The following EPN2 variants were observed in gnomAD, a reference collection of about 807,000 sequenced individuals.
EPN2 encodes the protein epsin 2.
Under a neutral mutation model 61.7 loss-of-function variants are expected in EPN2, and 34 were observed. That is an observed-to-expected ratio of 0.55 (90% confidence interval 0.42 to 0.73). The LOEUF is 0.73. Among genes scored for constraint, EPN2 ranks in the 30% least tolerant of loss-of-function variants. The pLI, the probability that EPN2 is intolerant of heterozygous loss-of-function variation, is 0.00. For missense variants in EPN2, 714 were observed against 839.2 expected (o/e 0.85, Z 1.84); for synonymous variants, 349 against 353.6 (o/e 0.99, Z 0.15).
Position 19,285,291 on chromosome 17 carries a change from AGATGCAGGGGTTGGAACAGTGGG to A in EPN2, c.596-320_596-298del, listed in dbSNP as rs1283768952. Among the ~76,000 whole-genome samples, 2 of 152,262 alleles carry A rather than the reference AGATGCAGGGGTTGGAACAGTGGG, an allele frequency of 1.3e-5. No homozygotes were observed. The highest frequency in any genetic ancestry group is 4.8e-5 in the African/African-American group (2 of 41,482). ...CCATGAACAATTTGTGGAACTTTGC[AGATGCAGGGGTTGGAACAGTGGG>A]GATGCAGGAGCCTGGTTTGATCCAC... On this transcript the variant is annotated intron_variant, in intron 3 of 10. Coordinates refer to ENST00000314728, the MANE Select transcript of EPN2 (RefSeq NM_014964.5). The surrounding 1 kb of genome is among the most constrained non-coding windows in gnomAD (Gnocchi z 4.5).
intron 4 of EPN2, among the ~76,000 whole-genome samples, chr17:19,295,564 T>C (rs1457374693): frequency 6.6e-6 from 1 of 152,096 alleles, no homozygotes; most frequent in Non-Finnish European, 1.5e-5. Context: ...AAAAAATACA[T>C]TTGAAGTCAA....
intron 1 of EPN2, among the ~76,000 whole-genome samples, chr17:19,242,464 T>G (rs983841230): frequency 6.6e-6 from 1 of 152,180 alleles, no homozygotes; most frequent in African/African-American, 2.4e-5. Flanking sequence ...TTGAACCAGA[T>G]CCGCAACATT....
intron 1 of EPN2, among the ~76,000 whole-genome samples, chr17:19,254,579 C>T (rs531669427): frequency 6.3e-4 from 96 of 152,054 alleles, no homozygotes; most frequent in African/African-American, 2.3e-3. Context: ...GAAAACTGTA[C>T]TATATATAAT....
chr17:19,287,477 G>A (rs1156578991), intron 4 of EPN2, among the ~76,000 whole-genome samples: 1 of 152,098 alleles, frequency 6.6e-6, no homozygotes, highest in East Asian at 1.9e-4. Flanking sequence ...GAGGGTAGGG[G>A]GCTGTCGGAG....
Sources: gnomAD v4.1 joint callset for allele counts (sites outside exome capture counted in the v4.1 genomes callset) on GRCh38, gnomAD v4.1.1 for gene constraint, Gnocchi (gnomAD v3.1) non-coding constraint, MANE v1.5 for transcripts, NCBI Gene and HGNC (gene_info 2026-07-23, HGNC 2026-07-21) for gene names.